KIF26B: variants seen among roughly 807,000 people sequenced by gnomAD.
KIF26B encodes kinesin-like protein KIF26B.
In KIF26B, 63 loss-of-function variants were observed where a neutral mutation model predicts 151.2. The observed-to-expected ratio is 0.42, with a 90% confidence interval of 0.34 to 0.51. The LOEUF (loss-of-function observed/expected upper bound fraction) is 0.51, where lower values mean the gene tolerates loss of function less well. Among genes scored for constraint, KIF26B ranks in the 20% least tolerant of loss-of-function variants. The pLI is 0.07. For missense variants in KIF26B, 2,813 were observed against 2,913.6 expected (o/e 0.97, Z 0.79); for synonymous variants, 1,357 against 1,262.1 (o/e 1.08, Z -1.59).
intron 4 of KIF26B, among the ~76,000 whole-genome samples, chr1:245,439,305 C>T (rs1291773481): frequency 1.4e-5 from 2 of 144,398 alleles, no homozygotes; most frequent in African/African-American, 5.2e-5. Flanking sequence ...CATGATTGTA[C>T]CACTGTACTC....
chr1:245,201,033 G>A (rs761708976), intron 2 of KIF26B, among the ~76,000 whole-genome samples: 11 of 152,192 alleles, frequency 7.2e-5, no homozygotes, highest in Non-Finnish European at 1.3e-4. Context: ...CTAAAAAGGA[G>A]ACAGGATTAT....
chr1:245,285,668 G>A (rs1041634505), intron 2 of KIF26B, among the ~76,000 whole-genome samples: 2 of 148,984 alleles, frequency 1.3e-5, no homozygotes, highest in African/African-American at 5.0e-5. Flanking sequence ...GGCCAAGTGT[G>A]GTAGTGGCTC....
At chr1:245,556,299 C>CCCT (rs1193904040) in intron 5 of KIF26B, among the ~76,000 whole-genome samples, 3 of 146,468 alleles carry the variant, frequency 2.0e-5, no homozygotes, top group African/African-American at 5.2e-5. Context: ...CCTCCTTCCT[C>CCCT]CCTCCTCCTC....
At chr1:245,356,425 G>A (rs778741350) in intron 2 of KIF26B, among the ~76,000 whole-genome samples, 6 of 151,954 alleles carry the variant, frequency 3.9e-5, no homozygotes, top group East Asian at 1.9e-4. Context: ...GCGTGGTGGC[G>A]GGCGCCTGTG....
At chr1:245,640,231 TTA>T (rs2043879009) in intron 9 of KIF26B, among the ~76,000 whole-genome samples, 1 of 149,650 alleles carries the variant, frequency 6.7e-6, no homozygotes, top group Admixed American at 6.7e-5. Flanking sequence ...TGCTGAATTA[TTA>T]TATAACAATT....
intron 2 of KIF26B, among the ~76,000 whole-genome samples, chr1:245,226,931 A>G (rs1247299882): frequency 1.3e-5 from 2 of 151,864 alleles, no homozygotes; most frequent in Non-Finnish European, 2.9e-5. Flanking sequence ...GCTTATTTCC[A>G]CTTTTCTTCA....
rs1192281746 is a variant in KIF26B, at chr1:245,609,187, C to T, written c.1652-79C>T. 6 of 1,331,084 alleles carry T rather than the reference C, an allele frequency of 4.5e-6. No individual in the cohort carries two copies. The African/African-American group carries it at 5.9e-5, about 13-fold the overall frequency. The allele number at this position is 1,331,084 out of a possible 1,614,324, so 82.5% of individuals were successfully genotyped here. On this transcript the variant is annotated intron_variant, in intron 7 of 14. Transcript: ENST00000407071. ...CTTCCCTGTGCCTTTCTTCTATATC[C>T]TTGGCATCTATTTTGGAGACTCCGT... is the stretch of plus-strand genomic sequence containing the variant.
In KIF26B at chr1:245,253,851, G is replaced by C. The variant is rs188649771; in HGVS notation, c.465+97168G>C. ...TTGAAACAGAGTCTCGCTCTGCTGC[G>C]CAGGCTGGAGTGCAGTGGCGCGATC... On this transcript the variant is annotated intron_variant, in intron 2 of 14. Coordinates refer to ENST00000407071, the MANE Select transcript of KIF26B (RefSeq NM_018012.4). Among the ~76,000 whole-genome samples, 456 of 117,802 alleles carry C rather than the reference G, an allele frequency of 3.9e-3. 4 individuals are homozygous for C. Among genetic ancestry groups the C allele is most frequent in the African/African-American group, 0.014 (431 of 30,470 alleles). The allele number at this position is 117,802 out of a possible 152,430, so 77.3% of individuals were successfully genotyped here.
chr1:245,261,292 T>C (rs1670633124), intron 2 of KIF26B, among the ~76,000 whole-genome samples: 1 of 151,830 alleles, frequency 6.6e-6, no homozygotes, highest in East Asian at 1.9e-4. Flanking sequence ...ATTACAGGCC[T>C]GGCTAATTTT....
intron 5 of KIF26B, among the ~76,000 whole-genome samples, chr1:245,569,132 G>C: frequency 6.6e-6 from 1 of 152,270 alleles, no homozygotes; most frequent in Middle Eastern, 3.4e-3. Flanking sequence ...GGAGGATCTA[G>C]AGCCCTTTGC....
intron 10 of KIF26B, among the ~76,000 whole-genome samples, chr1:245,676,881 C>A (rs2044363040): frequency 6.6e-6 from 1 of 152,196 alleles, no homozygotes; most frequent in Non-Finnish European, 1.5e-5. Flanking sequence ...GGAACCATCA[C>A]TTCTCTCCTG....
chr1:245,202,629 G>A (rs1186153729), intron 2 of KIF26B, among the ~76,000 whole-genome samples: 4 of 152,088 alleles, frequency 2.6e-5, no homozygotes, highest in South Asian at 2.1e-4. Context: ...ACGTGGTGGC[G>A]GGCGCCTGTA....
Position 245,366,915 on chromosome 1 carries a change from C to A in KIF26B, c.547C>A (p.Arg183Ser). The A allele has an allele frequency of 6.2e-7, 1 of 1,614,050 alleles. No individual in the cohort carries two copies. The highest frequency in any genetic ancestry group is 8.5e-7 in the Non-Finnish European group (1 of 1,179,904). ...IRKAWNDRDN[R>S]CDICATHLNQ... ...GAAGGCATGGAACGACCGGGACAAC[C>A]GCTGTGACATTTGCGCCACTCACCT... The change falls in exon 3 of 15, where the codon CGC (arginine) becomes AGC (serine). Residue 183 changes from arginine to serine, a missense_variant. Transcript: ENST00000407071.
chr1:245,559,036 G>A (rs568365428), intron 5 of KIF26B, among the ~76,000 whole-genome samples: 34 of 152,314 alleles, frequency 2.2e-4, no homozygotes, highest in Admixed American at 9.1e-4. Flanking sequence ...CTTTGTGTGT[G>A]CGGACACGTG....
intron 2 of KIF26B, among the ~76,000 whole-genome samples, chr1:245,193,166 G>A (rs1558340350): frequency 6.6e-6 from 1 of 152,186 alleles, no homozygotes; most frequent in Non-Finnish European, 1.5e-5. Flanking sequence ...TCCTGTGTTA[G>A]TTTGCTTAGG....
intron 2 of KIF26B, among the ~76,000 whole-genome samples, chr1:245,159,734 G>C (rs1668503687): frequency 6.6e-6 from 1 of 152,178 alleles, no homozygotes; most frequent in Non-Finnish European, 1.5e-5. Context: ...TCTGTCTTTG[G>C]AACAGTTGGT....
At chr1:245,385,264 AAATT>A (rs1673514523) in intron 3 of KIF26B, among the ~76,000 whole-genome samples, 1 of 152,270 alleles carries the variant, frequency 6.6e-6, no homozygotes, top group South Asian at 2.1e-4. Flanking sequence ...TTCTAAGTAG[AAATT>A]AATTAGCTCC....
At chr1:245,496,737 A>C (rs1046610102) in intron 4 of KIF26B, among the ~76,000 whole-genome samples, 1 of 152,242 alleles carries the variant, frequency 6.6e-6, no homozygotes, top group African/African-American at 2.4e-5. Context: ...TACTCTAATT[A>C]AAAGATAATT....
Position 245,687,459 on chromosome 1 carries a change from C to T in KIF26B, c.4476C>T (p.Ser1492=), listed in dbSNP as rs1243121988. ...GKPSPGDRLS[S]SSGEVSASPV... Reference sequence around the variant, plus strand: ...CCAGTCCGGGAGACAGGCTCAGCAGCAGCAGCGGAGAGGTGTCGGCCTCCC... The same window carrying T: ...CCAGTCCGGGAGACAGGCTCAGCAGTAGCAGCGGAGAGGTGTCGGCCTCCC... The change falls in exon 12 of 15, where the codon AGC becomes AGT. Residue 1492 remains serine, a synonymous_variant. Coordinates refer to ENST00000407071, the MANE Select transcript of KIF26B (RefSeq NM_018012.4). This position sits in a 1 kb window ranked among gnomAD's most constrained non-coding sequence, Gnocchi z 4.9. 6.3e-7 allele frequency: 1 copy of T among 1,588,274 alleles called. No individual in the cohort carries two copies. Among genetic ancestry groups the T allele is most frequent in the African/African-American group, 1.3e-5 (1 of 74,570 alleles).
Sources: gnomAD v4.1 joint callset for allele counts (sites outside exome capture counted in the v4.1 genomes callset) on GRCh38, gnomAD v4.1.1 for gene constraint, Gnocchi (gnomAD v3.1) non-coding constraint, MANE v1.5 for transcripts, NCBI Gene and HGNC (gene_info 2026-07-23, HGNC 2026-07-21) for gene names.